TRAPPC12: variants seen among roughly 807,000 people sequenced by gnomAD.
TRAPPC12 encodes the protein trafficking protein particle complex subunit 12.
TRAPPC12 carries 61 observed loss-of-function variants against 69.2 expected under a neutral mutation model. The observed-to-expected ratio is 0.88, with a 90% CI of 0.72 to 1.09. The LOEUF (loss-of-function observed/expected upper bound fraction) is 1.09. TRAPPC12 is among the 50% of genes least tolerant of loss of function. The pLI is 0.00. For missense variants in TRAPPC12, 1,101 were observed against 1,016.4 expected (o/e 1.08, Z -1.13); for synonymous variants, 469 against 438.9 (o/e 1.07, Z -0.86).
At chr2:3,450,771 T>G (rs1388867643) in intron 6 of TRAPPC12, among the ~76,000 whole-genome samples, 1 of 152,016 alleles carries the variant, frequency 6.6e-6, no homozygotes, top group Non-Finnish European at 1.5e-5. Context: ...CTCAAAAGGG[T>G]CCACTTAGTA....
intron 1 of TRAPPC12, among the ~76,000 whole-genome samples, chr2:3,380,549 A>C (rs899093454): frequency 6.6e-6 from 1 of 152,210 alleles, no homozygotes; most frequent in African/African-American, 2.4e-5. Flanking sequence ...TACGGTTTGT[A>C]CTTTTTAATG....
chr2:3,456,145 T>G (rs535151916), intron 6 of TRAPPC12: 1 of 152,352 alleles, frequency 6.6e-6, no homozygotes, highest in Non-Finnish European at 1.5e-5. Flanking sequence ...CCCCACCTTG[T>G]CCCCTGAGTC....
intron 2 of TRAPPC12, among the ~76,000 whole-genome samples, chr2:3,391,409 G>A (rs1264660571): frequency 6.6e-6 from 1 of 152,184 alleles, no homozygotes; most frequent in Non-Finnish European, 1.5e-5. Context: ...TAGGAGTGGT[G>A]AATTCTCCAG....
intron 5 of TRAPPC12, among the ~76,000 whole-genome samples, chr2:3,440,921 G>A (rs1220872046): frequency 6.6e-6 from 1 of 152,072 alleles, no homozygotes; most frequent in African/African-American, 2.4e-5. Flanking sequence ...TATGATTTTT[G>A]TTCTTTAGCC....
At chr2:3,451,617 C>T (rs558035013) in intron 6 of TRAPPC12, among the ~76,000 whole-genome samples, 5 of 152,134 alleles carry the variant, frequency 3.3e-5, no homozygotes, top group Admixed American at 6.5e-5. Flanking sequence ...TTGACCTCCC[C>T]GGTTCAAGCA....
intron 9 of TRAPPC12, among the ~76,000 whole-genome samples, chr2:3,476,511 G>A (rs1402457098): frequency 6.6e-6 from 1 of 152,214 alleles, no homozygotes; most frequent in Non-Finnish European, 1.5e-5. Context: ...GAGCCTGCCT[G>A]CCCTTTGCCC....
At chr2:3,408,674 TG>T (rs1289487220) in intron 3 of TRAPPC12, among the ~76,000 whole-genome samples, 1 of 152,148 alleles carries the variant, frequency 6.6e-6, no homozygotes, top group Non-Finnish European at 1.5e-5. Context: ...GTACATGCTT[TG>T]TATAACTTTT....
intron 3 of TRAPPC12, among the ~76,000 whole-genome samples, chr2:3,407,233 A>G (rs1041410054): frequency 1.3e-5 from 2 of 152,204 alleles, no homozygotes; most frequent in African/African-American, 4.8e-5. Flanking sequence ...AAAGTTATGT[A>G]CATGCCATTA....
chr2:3,474,648 T>C (rs559242987), intron 9 of TRAPPC12, among the ~76,000 whole-genome samples: 36 of 152,172 alleles, frequency 2.4e-4, no homozygotes, highest in Admixed American at 4.6e-4. Context: ...TTATAAGTGA[T>C]GTTAGTATCT....
At chr2:3,449,821 C>A (rs938459127) in intron 6 of TRAPPC12, among the ~76,000 whole-genome samples, 8 of 152,082 alleles carry the variant, frequency 5.3e-5, no homozygotes, top group African/African-American at 1.9e-4. Context: ...CTGCTGCTTC[C>A]ACAGAAAACA....
At chr2:3,392,140 G>T (rs1198225141) in intron 2 of TRAPPC12, among the ~76,000 whole-genome samples, 1 of 152,126 alleles carries the variant, frequency 6.6e-6, no homozygotes, top group African/African-American at 2.4e-5. Flanking sequence ...TCAGTACCTT[G>T]CAGCGAGCTC....
intron 1 of TRAPPC12, among the ~76,000 whole-genome samples, chr2:3,386,708 G>T (rs1660509309): frequency 6.6e-6 from 1 of 152,134 alleles, no homozygotes; most frequent in African/African-American, 2.4e-5. Context: ...TGGGGCGTGG[G>T]GCGGGGGTAG....
chr2:3,454,183 G>T (rs1244579251), intron 6 of TRAPPC12, among the ~76,000 whole-genome samples: 1 of 152,244 alleles, frequency 6.6e-6, no homozygotes, highest in Non-Finnish European at 1.5e-5. Flanking sequence ...CTCTGCCCCA[G>T]CCAGGAGAGT....
At chr2:3,383,281 T>A (rs1660308736) in intron 1 of TRAPPC12, among the ~76,000 whole-genome samples, 1 of 152,182 alleles carries the variant, frequency 6.6e-6, no homozygotes, top group Non-Finnish European at 1.5e-5. Context: ...CATTTTCCCT[T>A]TATGGTTTGT....
chr2:3,428,389 G>T (rs1663238938), intron 5 of TRAPPC12, among the ~76,000 whole-genome samples: 1 of 152,126 alleles, frequency 6.6e-6, no homozygotes, highest in Non-Finnish European at 1.5e-5. Flanking sequence ...GTAAGATTTT[G>T]ATTCATTCAC....
At chr2:3,392,195 A>G (rs557089968) in intron 2 of TRAPPC12, among the ~76,000 whole-genome samples, 3 of 152,168 alleles carry the variant, frequency 2.0e-5, no homozygotes, top group Admixed American at 6.5e-5. Context: ...AAAAAAGCTT[A>G]AAGGTCTCTG....
intron 8 of TRAPPC12, among the ~76,000 whole-genome samples, chr2:3,461,961 C>T (rs1226360646): frequency 3.9e-5 from 6 of 152,356 alleles, no homozygotes; most frequent in East Asian, 1.9e-4. Context: ...CCCCACCTGG[C>T]GGTCTGGGCG....
At chr2:3,431,897 T>C (rs7595325) in intron 5 of TRAPPC12, among the ~76,000 whole-genome samples, 19,505 of 152,234 alleles carry the variant, frequency 0.13, 1,361 homozygotes, top group Middle Eastern at 0.29. Context: ...TCATCCTCTC[T>C]CAGGCAGTTA....
At chr2:3,417,772 A>T (rs530328761) in intron 3 of TRAPPC12, among the ~76,000 whole-genome samples, 7 of 152,180 alleles carry the variant, frequency 4.6e-5, no homozygotes, top group Admixed American at 3.9e-4. Context: ...GCCGGGCGTG[A>T]TGGCTCACGC....
Sources: gnomAD v4.1 joint callset for allele counts (sites outside exome capture counted in the v4.1 genomes callset) on GRCh38, gnomAD v4.1.1 for gene constraint, MANE v1.5 for transcripts, NCBI Gene and HGNC (gene_info 2026-07-23, HGNC 2026-07-21) for gene names.